The following OSBPL8 variants were observed in gnomAD, a reference collection of about 807,000 sequenced individuals.
OSBPL8 encodes the protein oxysterol-binding protein-related protein 8.
A neutral mutation model predicts 125.5 loss-of-function variants in OSBPL8; 59 were observed. The ratio of observed to expected loss-of-function variants is 0.47; its 90% CI spans 0.38 to 0.58. The LOEUF is 0.58. OSBPL8 is among the 20% of genes least tolerant of loss of function. OSBPL8 has a pLI of 0.00. For missense variants in OSBPL8, 758 were observed against 1,047.8 expected, an observed-to-expected ratio of 0.72 and a Z score of 3.82; for synonymous variants, 330 against 338.9, an observed-to-expected ratio of 0.97 and a Z score of 0.29.
intron 4 of OSBPL8, among the ~76,000 whole-genome samples, chr12:76,438,912 A>AT (rs942899019): frequency 3.9e-5 from 6 of 152,058 alleles, no homozygotes; most frequent in African/African-American, 1.2e-4. Context: ...ATGTCTTATA[A>AT]TTTTTTTCTC....
intron 23 of OSBPL8, 152 bp downstream of exon 23, chr12:76,356,474 A>G (rs1951992103): frequency 2.5e-5 from 13 of 517,522 alleles, no homozygotes; most frequent in Non-Finnish European, 4.0e-5. Flanking sequence ...GAATTTCGTA[A>G]GTGTCAAACA....
At chr12:76,429,802 T>C (rs1413511494) in intron 4 of OSBPL8, among the ~76,000 whole-genome samples, 2 of 152,120 alleles carry the variant, frequency 1.3e-5, no homozygotes, top group African/African-American at 4.8e-5. Context: ...TAATGCTTAC[T>C]GTCTCTCTCC....
intron 4 of OSBPL8, among the ~76,000 whole-genome samples, chr12:76,441,191 A>G (rs562833578): frequency 7.2e-5 from 11 of 152,286 alleles, no homozygotes; most frequent in Admixed American, 6.5e-4. Flanking sequence ...AGCAGGCTAA[A>G]TGAAAGTCAG....
intron 4 of OSBPL8, among the ~76,000 whole-genome samples, chr12:76,446,784 C>G (rs1803651181): frequency 6.6e-6 from 1 of 151,972 alleles, no homozygotes; most frequent in Non-Finnish European, 1.5e-5. Flanking sequence ...TAATAAAATC[C>G]TATGTGCTAA....
At chr12:76,430,066 T>A (rs1265524607) in intron 4 of OSBPL8, among the ~76,000 whole-genome samples, 1 of 152,028 alleles carries the variant, frequency 6.6e-6, no homozygotes, top group Non-Finnish European at 1.5e-5. Flanking sequence ...ATGACCCAGC[T>A]CCAGCCCCAC....
intron 14 of OSBPL8, among the ~76,000 whole-genome samples, chr12:76,385,217 T>C (rs920573810): frequency 6.6e-6 from 1 of 152,164 alleles, no homozygotes; most frequent in African/African-American, 2.4e-5. Flanking sequence ...TATCAAAACC[T>C]CTAGGAGAAG....
chr12:76,356,286 T>C (rs1443552924), intron 23 of OSBPL8, among the ~76,000 whole-genome samples: 3 of 152,130 alleles, frequency 2.0e-5, no homozygotes, highest in East Asian at 3.9e-4. Flanking sequence ...ATAACAGCCA[T>C]GCACAGAGGG....
chr12:76,498,235 T>C (rs1565946215), intron 1 of OSBPL8, among the ~76,000 whole-genome samples: 1 of 152,240 alleles, frequency 6.6e-6, no homozygotes, highest in Non-Finnish European at 1.5e-5. Flanking sequence ...CGAAACCCTG[T>C]CTACGTATAT....
intron 1 of OSBPL8, among the ~76,000 whole-genome samples, chr12:76,507,199 T>C (rs74103495): frequency 0.011 from 1,712 of 151,868 alleles, 97 homozygotes; most frequent in African/African-American, 0.04. Context: ...TGGTAGCTCA[T>C]TGTCTATACT....
rs769595077 is a variant in OSBPL8 at position 76,389,655 on chromosome 12, A to C, written c.1342T>G (p.Phe448Val). The C allele has an allele frequency of 6.4e-7, 1 of 1,568,652 alleles. No homozygotes were observed. The highest frequency in any genetic ancestry group is 1.9e-5 in the Admixed American group (1 of 51,366). The change falls in exon 12 of 24, where the codon TTC becomes GTC. Residue 448 changes from phenylalanine to valine, a missense_variant. Transcript: ENST00000261183. ...TAAGAATCTACTTACTCAGATAGGA[A>C]ATCTGCATGATAGTAGTAATCTGAA... is the stretch of plus-strand genomic sequence containing the variant. Reference protein sequence around the residue: ...KLSDYYYHADFLSEAALEENP... With the variant: ...KLSDYYYHADVLSEAALEENP...
intron 1 of OSBPL8, among the ~76,000 whole-genome samples, chr12:76,536,133 G>A (rs1011384228): frequency 4.0e-5 from 6 of 151,854 alleles, no homozygotes; most frequent in African/African-American, 7.3e-5. Flanking sequence ...CAGAAGTAGC[G>A]AAAGGCAAAA....
intron 9 of OSBPL8, among the ~76,000 whole-genome samples, chr12:76,393,356 C>T (rs912225216): frequency 6.6e-6 from 1 of 152,110 alleles, no homozygotes; most frequent in South Asian, 2.1e-4. Flanking sequence ...TCAAGATTTG[C>T]TGGGAATATC....
intron 4 of OSBPL8, among the ~76,000 whole-genome samples, chr12:76,419,983 T>C (rs1379236221): frequency 2.0e-5 from 3 of 152,158 alleles, no homozygotes; most frequent in African/African-American, 7.2e-5. Flanking sequence ...CAATGGAATA[T>C]TATCGCTGAA....
At chr12:76,421,261 G>T (rs1361942025) in intron 4 of OSBPL8, among the ~76,000 whole-genome samples, 1 of 151,910 alleles carries the variant, frequency 6.6e-6, no homozygotes, top group Admixed American at 6.6e-5. Flanking sequence ...TCAGTATTTT[G>T]TATTTGCAAA....
At chr12:76,479,127 T>C (rs1877164595) in intron 2 of OSBPL8, among the ~76,000 whole-genome samples, 1 of 152,142 alleles carries the variant, frequency 6.6e-6, no homozygotes, top group Non-Finnish European at 1.5e-5. Context: ...AATAGAAGTT[T>C]CAATAAAGCT....
chr12:76,545,368 A>C (rs533633562), intron 1 of OSBPL8, among the ~76,000 whole-genome samples: 149 of 152,300 alleles, frequency 9.8e-4, no homozygotes, highest in African/African-American at 3.5e-3. Flanking sequence ...CTAGGAAAAA[A>C]TTAATGAATT....
chr12:76,390,241 G>C (rs1363788298), intron 11 of OSBPL8, 179 bp downstream of exon 11: 1 of 539,116 alleles, frequency 1.9e-6, no homozygotes, highest in East Asian at 2.9e-5. Flanking sequence ...GTATTTATGT[G>C]AGTATATGTG....
At chr12:76,406,793 T>C (rs1954279292) in intron 5 of OSBPL8, among the ~76,000 whole-genome samples, 2 of 152,098 alleles carry the variant, frequency 1.3e-5, no homozygotes, top group Non-Finnish European at 2.9e-5. Context: ...TTTTTTGATT[T>C]GTAGAGTCAA....
At chr12:76,491,764 C>A (rs1385904112) in intron 1 of OSBPL8, among the ~76,000 whole-genome samples, 1 of 152,098 alleles carries the variant, frequency 6.6e-6, no homozygotes, top group Non-Finnish European at 1.5e-5. Context: ...AAATAAGAAT[C>A]CAAAACAGCA....
Sources: gnomAD v4.1 joint callset for allele counts (sites outside exome capture counted in the v4.1 genomes callset) on GRCh38, gnomAD v4.1.1 for gene constraint, MANE v1.5 for transcripts, NCBI Gene and HGNC (gene_info 2026-07-23, HGNC 2026-07-21) for gene names.